The following NOL4 variants were observed in gnomAD, a reference collection of about 807,000 sequenced individuals.
NOL4 encodes the protein cancer/testis antigen 125.
In NOL4, 17 loss-of-function variants were observed where a neutral mutation model predicts 75.9. That is an observed-to-expected ratio of 0.22 (90% CI 0.15 to 0.34). The LOEUF (loss-of-function observed/expected upper bound fraction) is 0.34, where lower values mean the gene tolerates loss of function less well. Among genes scored for constraint, NOL4 ranks in the 10% least tolerant of loss-of-function variants. The probability of loss-of-function intolerance (pLI) is 1.00; values close to 1 mark genes in which losing one functional copy is unlikely to be tolerated. For synonymous variants in NOL4, 292 were observed against 289.9 expected, an observed-to-expected ratio of 1.01 and a Z score of -0.07; for missense variants, 614 against 793.5, an observed-to-expected ratio of 0.77 and a Z score of 2.72.
At chr18:34,040,323 C>A (rs1277406721) in intron 5 of NOL4, among the ~76,000 whole-genome samples, 1 of 151,676 alleles carries the variant, frequency 6.6e-6, no homozygotes, top group Non-Finnish European at 1.5e-5. Flanking sequence ...CTATATACTT[C>A]ACATGAATAT....
intron 2 of NOL4, among the ~76,000 whole-genome samples, chr18:34,118,902 C>T (rs190994642): frequency 3.3e-5 from 5 of 152,276 alleles, no homozygotes; most frequent in Non-Finnish European, 7.4e-5. Context: ...AAGATAAAGA[C>T]ATTTTCAACT....
intron 5 of NOL4, among the ~76,000 whole-genome samples, chr18:34,025,456 T>C (rs186193997): frequency 5.3e-4 from 81 of 152,286 alleles, no homozygotes; most frequent in African/African-American, 1.9e-3. Context: ...ACTATCAGTT[T>C]TGCTCACATA....
At chr18:34,071,430 GACAGACAGAC>G (rs1308262621) in intron 5 of NOL4, among the ~76,000 whole-genome samples, 41 of 103,320 alleles carry the variant, frequency 4.0e-4, no homozygotes, top group South Asian at 9.7e-4. Flanking sequence ...TAGACAGACA[GACAGACAGAC>G]ACACACACAC....
intron 1 of NOL4, among the ~76,000 whole-genome samples, chr18:34,163,804 C>T (rs929495325): frequency 2.0e-5 from 3 of 152,068 alleles, no homozygotes; most frequent in African/African-American, 7.2e-5. Flanking sequence ...GCCAAAAGAA[C>T]AAAGCTGGAG....
chr18:34,064,177 AAGAT>A, intron 5 of NOL4, among the ~76,000 whole-genome samples: 1 of 152,186 alleles, frequency 6.6e-6, no homozygotes. Context: ...GCATTATTGA[AAGAT>A]AGAATGAGTC....
intron 5 of NOL4, among the ~76,000 whole-genome samples, chr18:34,024,194 A>AAATATATATAT: frequency 2.0e-4 from 14 of 70,696 alleles, no homozygotes; most frequent in East Asian, 5.0e-4. Context: ...AAAAAAAAAA[A>AAATATATATAT]ATATATATAT....
chr18:33,901,392 A>C (rs2065741920), intron 9 of NOL4, among the ~76,000 whole-genome samples: 1 of 152,188 alleles, frequency 6.6e-6, no homozygotes, highest in African/African-American at 2.4e-5. Flanking sequence ...ACAGGGAAAT[A>C]AATTTAAATG....
At chr18:34,003,059 G>T (rs533390133) in intron 6 of NOL4, among the ~76,000 whole-genome samples, 1 of 152,032 alleles carries the variant, frequency 6.6e-6, no homozygotes, top group Non-Finnish European at 1.5e-5. Context: ...CATAATAATT[G>T]TTTTTCTGGA....
At chr18:33,928,674 G>C (rs2067490754) in intron 9 of NOL4, among the ~76,000 whole-genome samples, 1 of 151,610 alleles carries the variant, frequency 6.6e-6, no homozygotes, top group South Asian at 2.1e-4. Flanking sequence ...TTAAACAGAA[G>C]TACTCTTATT....
At chr18:33,864,986 C>T in intron 10 of NOL4, among the ~76,000 whole-genome samples, 1 of 152,148 alleles carries the variant, frequency 6.6e-6, no homozygotes. Context: ...ATGATTTAAT[C>T]ACCTCCCATC....
chr18:34,118,717 C>T (rs2079980201), intron 2 of NOL4, among the ~76,000 whole-genome samples: 2 of 152,128 alleles, frequency 1.3e-5, no homozygotes, highest in Admixed American at 6.5e-5. Flanking sequence ...TTAGCTATGA[C>T]TTTGATAGTT....
rs1170205572 is a variant in NOL4, at chr18:33,882,448, T to C, written c.1723+796A>G. On this transcript the variant is annotated intron_variant, in intron 10 of 10. Transcript: ENST00000261592. ...GACATTTATGCAGCCAAAAAACACA[T>C]GAAAAAATGCTCATCATCACTGGCC... Among the ~76,000 whole-genome samples, 10 of 151,776 alleles carry C rather than the reference T, an allele frequency of 6.6e-5. No individual in the cohort carries two copies. The East Asian group carries it at 1.5e-3, about 24-fold the overall frequency.
intron 6 of NOL4, among the ~76,000 whole-genome samples, chr18:33,980,499 A>G (rs1047230971): frequency 6.6e-6 from 1 of 152,004 alleles, no homozygotes; most frequent in African/African-American, 2.4e-5. Flanking sequence ...ATTTTACCAG[A>G]GCCTAAATTG....
chr18:34,026,163 A>G (rs1247961882), intron 5 of NOL4, among the ~76,000 whole-genome samples: 2 of 152,022 alleles, frequency 1.3e-5, no homozygotes, highest in Non-Finnish European at 2.9e-5. Context: ...TCTATTGCAA[A>G]TTTTATTTCC....
At chr18:34,089,266 T>G (rs893334202) in intron 5 of NOL4, among the ~76,000 whole-genome samples, 1 of 152,056 alleles carries the variant, frequency 6.6e-6, no homozygotes, top group Admixed American at 6.5e-5. Context: ...AATCACTTAA[T>G]GTTAAAAAAA....
intron 6 of NOL4, among the ~76,000 whole-genome samples, chr18:34,008,025 T>C (rs186348651): frequency 1.3e-5 from 2 of 152,130 alleles, no homozygotes; most frequent in East Asian, 3.9e-4. Flanking sequence ...ATTGGTAAAC[T>C]GGTCAAAGAA....
chr18:34,201,848 C>T (rs187912513), intron 1 of NOL4, among the ~76,000 whole-genome samples: 14 of 151,666 alleles, frequency 9.2e-5, no homozygotes, highest in East Asian at 1.9e-4. Flanking sequence ...ATTTTATATT[C>T]GGTGCTATGA....
At chr18:33,916,515 C>T (rs545768239) in intron 9 of NOL4, among the ~76,000 whole-genome samples, 1 of 152,218 alleles carries the variant, frequency 6.6e-6, no homozygotes, top group Admixed American at 6.5e-5. Context: ...GCAACTCTTA[C>T]CCACTCAGTG....
At chr18:33,973,164 ATTTG>A (rs2071217459) in intron 6 of NOL4, among the ~76,000 whole-genome samples, 1 of 152,144 alleles carries the variant, frequency 6.6e-6, no homozygotes, top group South Asian at 2.1e-4. Context: ...TTGTTTGTTT[ATTTG>A]TTTGTTTCAA....
Sources: gnomAD v4.1 joint callset for allele counts (sites outside exome capture counted in the v4.1 genomes callset) on GRCh38, gnomAD v4.1.1 for gene constraint, MANE v1.5 for transcripts, NCBI Gene and HGNC (gene_info 2026-07-23, HGNC 2026-07-21) for gene names.